The following CARMIL1 variants were observed in gnomAD, a reference collection of about 807,000 sequenced individuals.
CARMIL1 encodes the protein capping protein regulator and myosin 1 linker 1.
CARMIL1 carries 90 observed loss-of-function variants against 177.1 expected under a neutral mutation model. That is an observed-to-expected ratio of 0.51 (90% CI 0.43 to 0.61). The LOEUF (loss-of-function observed/expected upper bound fraction) is 0.61. Among genes scored for constraint, CARMIL1 ranks in the 20% least tolerant of loss-of-function variants. CARMIL1 has a pLI of 0.00. For synonymous variants in CARMIL1, 577 were observed against 606.2 expected (o/e 0.95, Z 0.71); for missense variants, 1,380 against 1,667.0 (o/e 0.83, Z 3.00).
chr6:25,448,326 C>G (rs1198731037), intron 5 of CARMIL1, among the ~76,000 whole-genome samples: 1 of 152,096 alleles, frequency 6.6e-6, no homozygotes, highest in Admixed American at 6.5e-5. Flanking sequence ...TTGCCTTGCT[C>G]CCCAGATTCT....
At chr6:25,550,824 G>A in intron 26 of CARMIL1, 86 bp from the exon 27 acceptor site, 1 of 1,247,948 alleles carries the variant, frequency 8.0e-7, no homozygotes, top group Non-Finnish European at 1.1e-6. Context: ...AGGGCTCCGT[G>A]TCATATATAA....
At chr6:25,497,135 C>T (rs1803810653) in intron 16 of CARMIL1, among the ~76,000 whole-genome samples, 1 of 152,066 alleles carries the variant, frequency 6.6e-6, no homozygotes, top group Admixed American at 6.5e-5. Flanking sequence ...AAATAAAATT[C>T]CATGTATACA....
chr6:25,604,883 AG>A lies in CARMIL1; in HGVS notation c.3626del (p.Gly1209ValfsTer93). On this transcript the variant is annotated frameshift_variant, in exon 34 of 37. Transcript: ENST00000329474. LOFTEE classifies it high-confidence loss of function. ...TGAGCGGCGTAGAACGGTCGGATGGAGGTGGGGCAGGTAAGTCAGGCCATTG... is the reference window on the plus strand; with the variant it reads ...TGAGCGGCGTAGAACGGTCGGATGGAGTGGGGCAGGTAAGTCAGGCCATTG... Reference protein sequence around the residue: ...ALSGVERSDGGGAVPKLHPGL... With the variant: ...ALSGVERSDGXGAVPKLHPGL... The A allele has an allele frequency of 1.3e-6, 2 of 1,592,418 alleles. No individual in the cohort carries two copies. Among genetic ancestry groups the A allele is most frequent in the Non-Finnish European group, 1.7e-6 (2 of 1,169,716 alleles).
intron 24 of CARMIL1, among the ~76,000 whole-genome samples, chr6:25,530,204 A>G (rs1477085135): frequency 6.6e-6 from 1 of 151,998 alleles, no homozygotes; most frequent in African/African-American, 2.4e-5. Context: ...AAAAAAAAAA[A>G]TCTTAAAGCG....
intron 2 of CARMIL1, among the ~76,000 whole-genome samples, chr6:25,306,874 C>G (rs1023331857): frequency 3.6e-5 from 5 of 138,320 alleles, no homozygotes; most frequent in African/African-American, 1.1e-4. Flanking sequence ...CCTGCAGTGC[C>G]TTGGCTTTTT....
At chr6:25,341,608 C>T (rs1338480369) in intron 2 of CARMIL1, among the ~76,000 whole-genome samples, 4 of 152,190 alleles carry the variant, frequency 2.6e-5, no homozygotes, top group South Asian at 2.1e-4. Context: ...GTCCCAGCTA[C>T]TTGGGAGGGT....
intron 2 of CARMIL1, among the ~76,000 whole-genome samples, chr6:25,367,348 G>A (rs1789935081): frequency 6.6e-6 from 1 of 152,168 alleles, no homozygotes; most frequent in African/African-American, 2.4e-5. Context: ...GGTCAAGTGG[G>A]ATGTAAGCTG....
intron 32 of CARMIL1, 110 bp downstream of exon 32, chr6:25,594,637 A>G: frequency 4.5e-6 from 3 of 660,408 alleles, no homozygotes; most frequent in Non-Finnish European, 7.7e-6. Flanking sequence ...GGAAATTACT[A>G]TTCTGACAGC....
chr6:25,378,196 A>G (rs1791179649), intron 2 of CARMIL1, among the ~76,000 whole-genome samples: 1 of 152,180 alleles, frequency 6.6e-6, no homozygotes, highest in Non-Finnish European at 1.5e-5. Flanking sequence ...AGCAAGCCCT[A>G]CGCAGCTTTC....
intron 2 of CARMIL1, among the ~76,000 whole-genome samples, chr6:25,364,903 T>C (rs75109273): frequency 0.081 from 12,353 of 152,142 alleles, 507 homozygotes; most frequent in East Asian, 0.14. Flanking sequence ...CAAAGCTATA[T>C]TATTAGTGGA....
intron 2 of CARMIL1, among the ~76,000 whole-genome samples, chr6:25,308,771 C>G (rs1411306588): frequency 6.6e-6 from 1 of 151,926 alleles, no homozygotes; most frequent in Non-Finnish European, 1.5e-5. Context: ...TATTGGATAT[C>G]TTTTAAGTGA....
intron 3 of CARMIL1, among the ~76,000 whole-genome samples, chr6:25,421,895 T>A (rs1007633602): frequency 7.4e-6 from 1 of 135,720 alleles, no homozygotes; most frequent in Non-Finnish European, 1.6e-5. Flanking sequence ...GGGGGAGGGA[T>A]AGCATTAGGA....
intron 2 of CARMIL1, among the ~76,000 whole-genome samples, chr6:25,399,155 C>T (rs137997056): frequency 1.2e-4 from 18 of 152,262 alleles, no homozygotes; most frequent in African/African-American, 4.3e-4. Context: ...CTTATGTAAG[C>T]GATCCAGGAT....
intron 11 of CARMIL1, among the ~76,000 whole-genome samples, chr6:25,480,650 ATTATTT>A (rs1562195566): frequency 2.4e-5 from 2 of 84,240 alleles, no homozygotes; most frequent in African/African-American, 5.2e-5. Context: ...ATAAATTTAA[ATTATTT>A]ATATTTAATT....
At chr6:25,339,792 C>T (rs911704741) in intron 2 of CARMIL1, among the ~76,000 whole-genome samples, 1 of 152,178 alleles carries the variant, frequency 6.6e-6, no homozygotes, top group African/African-American at 2.4e-5. Flanking sequence ...TGACCTTGGG[C>T]AAGTTACTTA....
intron 31 of CARMIL1, among the ~76,000 whole-genome samples, chr6:25,584,010 C>T (rs1350479486): frequency 6.9e-6 from 1 of 144,006 alleles, no homozygotes; most frequent in Non-Finnish European, 1.5e-5. Context: ...GTACTTTTAT[C>T]TTTTCTTTTC....
chr6:25,597,041 G>A (rs1814928409), intron 32 of CARMIL1, among the ~76,000 whole-genome samples: 1 of 152,098 alleles, frequency 6.6e-6, no homozygotes, highest in Non-Finnish European at 1.5e-5. Context: ...CTGGAAGCTG[G>A]GAAGTTCAAG....
chr6:25,289,354 T>TA (rs1177160805), intron 2 of CARMIL1, among the ~76,000 whole-genome samples: 1 of 152,222 alleles, frequency 6.6e-6, no homozygotes, highest in African/African-American at 2.4e-5. Context: ...ACTTGGAGTG[T>TA]AAAAAATGTA....
At chr6:25,424,910 G>A (rs1263048026) in intron 3 of CARMIL1, among the ~76,000 whole-genome samples, 3 of 152,204 alleles carry the variant, frequency 2.0e-5, no homozygotes, top group Non-Finnish European at 4.4e-5. Context: ...TGGAGGGCCA[G>A]CCAGTGGGCT....
Sources: allele counts gnomAD v4.1 joint callset (sites outside exome capture counted in the v4.1 genomes callset), GRCh38; gene constraint gnomAD v4.1.1; transcripts MANE v1.5; gene names NCBI Gene and HGNC (gene_info 2026-07-23, HGNC 2026-07-21).